Variants in DLGAP4 observed in about 807,000 individuals in gnomAD.
DLGAP4 encodes the protein disks large-associated protein 4.
In DLGAP4, 18 loss-of-function variants were observed where a neutral mutation model predicts 86.9. That is an observed-to-expected ratio of 0.21 (90% confidence interval 0.14 to 0.31). The LOEUF (loss-of-function observed/expected upper bound fraction) is 0.31. DLGAP4 is among the 10% of genes least tolerant of loss of function. The pLI is 1.00. For synonymous variants in DLGAP4, 548 were observed against 574.3 expected (o/e 0.95, Z 0.65); for missense variants, 1,085 against 1,362.6 (o/e 0.80, Z 3.21).
chr20:36,505,858 C>T (rs912290647), intron 10 of DLGAP4, among the ~76,000 whole-genome samples: 1 of 152,056 alleles, frequency 6.6e-6, no homozygotes, highest in African/African-American at 2.4e-5. Flanking sequence ...GGTCTTCCTC[C>T]TTGTCTCCAC....
chr20:36,404,895 C>T (rs6017446), intron 2 of DLGAP4, among the ~76,000 whole-genome samples: 22 of 152,330 alleles, frequency 1.4e-4, no homozygotes, highest in African/African-American at 4.6e-4. Context: ...AGCCTCTGCA[C>T]GGTTCAGAGC....
At chr20:36,343,160 T>C (rs1333052149) in intron 1 of DLGAP4, among the ~76,000 whole-genome samples, 1 of 152,094 alleles carries the variant, frequency 6.6e-6, no homozygotes, top group African/African-American at 2.4e-5. Flanking sequence ...GGCTCACATT[T>C]TACAAAGACC....
chr20:36,525,932 A>G lies in DLGAP4; in HGVS notation c.2686A>G (p.Ser896Gly). The G allele has an allele frequency of 1.2e-6, 2 of 1,613,960 alleles. No individual in the cohort carries two copies. Among genetic ancestry groups the G allele is most frequent in the African/African-American group, 1.3e-5 (1 of 74,974 alleles). Residue 896 changes from serine (S) to glycine (G), a missense_variant, in exon 12 of 13, where the codon AGC becomes GGC. This residue lies in a region of DLGAP4 where 1,082 missense variants were observed against 1,344.1 expected (regional missense o/e 0.81). Transcript: ENST00000339266. The stretch of plus-strand genomic sequence containing the variant: ...GCTACAGCTGTCCATCGAGGATATC[A>G]GCATGAAGTTCGATGAACTCTACCA... ...DLLQLSIEDISMKFDELYHLK... is the reference protein window; with the variant it reads ...DLLQLSIEDIGMKFDELYHLK...
chr20:36,500,932 T>A lies in DLGAP4; in HGVS notation c.2512+321T>A, dbSNP rs191438567. Among the ~76,000 whole-genome samples the A allele has an allele frequency of 6.6e-6, 1 of 152,068 alleles. No homozygotes were observed. Among genetic ancestry groups the A allele is most frequent in the Non-Finnish European group, 1.5e-5 (1 of 68,028 alleles). On this transcript the variant is annotated intron_variant, in intron 10 of 12. Coordinates refer to ENST00000339266, the MANE Select transcript of DLGAP4 (RefSeq NM_001365621.2). This position sits in a 1 kb window ranked among gnomAD's most constrained non-coding sequence, Gnocchi z 4.6. ...GTTACTCCGAGCCCCCATTTCCTCATCTGTAAAATGGAGCTAATCCTCTGC... is the reference window on the plus strand; with the variant it reads ...GTTACTCCGAGCCCCCATTTCCTCAACTGTAAAATGGAGCTAATCCTCTGC...
chr20:36,467,020 CT>C (rs1569509582), intron 7 of DLGAP4, among the ~76,000 whole-genome samples: 20 of 8,768 alleles, frequency 2.3e-3, no homozygotes, highest in Non-Finnish European at 7.3e-3. Context: ...TCTCTCTCCT[CT>C]CTCTCTCTCT....
In DLGAP4 at chr20:36,369,653, T is replaced by C. The variant is rs796727107; in HGVS notation, c.-73+2378T>C. 3.5e-4 allele frequency among the ~76,000 whole-genome samples: 54 copies of C among 152,164 alleles called. 1 individual carries two copies. The highest frequency in any genetic ancestry group is 4.2e-4 in the South Asian group (2 of 4,814). Reference sequence around the variant, plus strand: ...GATTGCCTTGGTGGAGAAAAGAACATTGGGAAGGGAACCTCAGGGGGTTTC... The same window carrying C: ...GATTGCCTTGGTGGAGAAAAGAACACTGGGAAGGGAACCTCAGGGGGTTTC... On this transcript the variant is annotated intron_variant, in intron 2 of 12. Coordinates refer to ENST00000339266, the MANE Select transcript of DLGAP4 (RefSeq NM_001365621.2).
At chr20:36,313,718 T>A (rs1329111075) in intron 1 of DLGAP4, among the ~76,000 whole-genome samples, 2 of 944 alleles carry the variant, frequency 2.1e-3, no homozygotes, top group Admixed American at 0.013. Context: ...GGTGCTGTGG[T>A]CATCCGTTTT....
chr20:36,518,986 G>T (rs2037202727), intron 10 of DLGAP4, among the ~76,000 whole-genome samples: 3 of 151,794 alleles, frequency 2.0e-5, no homozygotes, highest in Non-Finnish European at 2.9e-5. Context: ...GTGTGGTGGT[G>T]CGCGCCTGTA....
At chr20:36,512,604 A>G (rs1938555744) in intron 10 of DLGAP4, 1 of 152,326 alleles carries the variant, frequency 6.6e-6, no homozygotes, top group African/African-American at 2.4e-5. Context: ...GGTGAGCAGT[A>G]ACAAATAACC....
intron 11 of DLGAP4, among the ~76,000 whole-genome samples, chr20:36,524,678 G>A (rs2037596425): frequency 6.6e-6 from 1 of 151,970 alleles, no homozygotes; most frequent in Non-Finnish European, 1.5e-5. Flanking sequence ...TGAGGCGGGT[G>A]GATCACCTGA....
intron 1 of DLGAP4, among the ~76,000 whole-genome samples, chr20:36,328,443 G>C (rs189148209): frequency 1.3e-5 from 2 of 150,612 alleles, no homozygotes; most frequent in Non-Finnish European, 3.0e-5. Context: ...AAACAGCAAT[G>C]GTTCATCTTA....
At chr20:36,337,495 C>G (rs1273939827) in intron 1 of DLGAP4, among the ~76,000 whole-genome samples, 1 of 152,128 alleles carries the variant, frequency 6.6e-6, no homozygotes, top group Non-Finnish European at 1.5e-5. Context: ...CCACTCAGTG[C>G]TGAGCTGAGA....
intron 7 of DLGAP4, among the ~76,000 whole-genome samples, chr20:36,448,577 G>A (rs1303355309): frequency 6.6e-6 from 1 of 152,202 alleles, no homozygotes; most frequent in Non-Finnish European, 1.5e-5. Flanking sequence ...TGTGGTAGAA[G>A]CTTGGTAAGT....
chr20:36,514,401 G>C (rs2036915579), intron 10 of DLGAP4, among the ~76,000 whole-genome samples: 2 of 152,142 alleles, frequency 1.3e-5, no homozygotes, highest in Admixed American at 1.3e-4. Context: ...AAAGGAGACA[G>C]CTGTTTCGTT....
rs1191414318 is a variant in DLGAP4 at position 36,439,799 on chromosome 20, G to A, written c.1287G>A (p.Lys429=). ...LDSVDMLLPS[K]CPSWEEDYTP... ...CAGTGGACATGCTGCTGCCCTCCAA[G>A]TGTCCGAGCTGGGAAGAGGACTACA... Residue 429 remains lysine, a synonymous_variant, in exon 5 of 13, where the codon AAG becomes AAA. Coordinates refer to ENST00000339266, the MANE Select transcript of DLGAP4 (RefSeq NM_001365621.2). 1 of 1,613,922 alleles carries A rather than the reference G, an allele frequency of 6.2e-7. No individual in the cohort carries two copies. The highest frequency in any genetic ancestry group is 2.2e-5 in the East Asian group (1 of 44,868).
At chr20:36,386,056 C>T (rs1042063233) in intron 2 of DLGAP4, among the ~76,000 whole-genome samples, 2 of 152,086 alleles carry the variant, frequency 1.3e-5, no homozygotes, top group African/African-American at 4.8e-5. Context: ...GAAAGGAAGG[C>T]GGGGGCCTCG....
intron 1 of DLGAP4, among the ~76,000 whole-genome samples, chr20:36,335,086 G>A (rs2065308394): frequency 6.6e-6 from 1 of 152,112 alleles, no homozygotes; most frequent in Non-Finnish European, 1.5e-5. Context: ...GAGCCCCTGG[G>A]GTGGGTGGGA....
At chr20:36,518,980 G>A in intron 10 of DLGAP4, among the ~76,000 whole-genome samples, 1 of 151,916 alleles carries the variant, frequency 6.6e-6, no homozygotes, top group Non-Finnish European at 1.5e-5. Context: ...AGCCAGGTGT[G>A]GTGGTGCGCG....
Position 36,432,620 on chromosome 20 carries a change from C to T in DLGAP4, c.903C>T (p.His301=), listed in dbSNP as rs370088930. The T allele has an allele frequency of 4.9e-5, 79 of 1,612,194 alleles. No individual in the cohort carries two copies. The highest frequency in any genetic ancestry group is 1.6e-4 in the Middle Eastern group (1 of 6,082). Residue 301 remains histidine (H), a synonymous_variant, in exon 3 of 13, where the codon CAC becomes CAT. Transcript: ENST00000339266. The surrounding 1 kb of genome is among the most constrained non-coding windows in gnomAD (Gnocchi z 6.5). ...CCTGGTCCACTCTGACCCTCAGCCA[C>T]GCCCACGAGGTCTGCCAGAAGACCT... ...RGSWSTLTLS[H]AHEVCQKTSA... is the part of the protein sequence containing the mutation.
Sources: gnomAD v4.1 joint callset for allele counts (sites outside exome capture counted in the v4.1 genomes callset) on GRCh38, gnomAD v4.1.1 for gene constraint, gnomAD v4.1.1 regional missense constraint, Gnocchi (gnomAD v3.1) non-coding constraint, MANE v1.5 for transcripts, NCBI Gene and HGNC (gene_info 2026-07-23, HGNC 2026-07-21) for gene names.